Variants in TNKS observed in about 807,000 individuals in gnomAD.
TNKS encodes the protein poly [ADP-ribose] polymerase tankyrase-1.
A neutral mutation model predicts 135.8 loss-of-function variants in TNKS; 72 were observed. The ratio of observed to expected loss-of-function variants is 0.53; its 90% CI spans 0.44 to 0.64. The LOEUF is 0.64. Ranked by LOEUF, TNKS falls within the 30% of genes least tolerant of loss-of-function variation. TNKS has a pLI of 0.00. For missense variants in TNKS, 1,769 were observed against 1,674.0 expected (o/e 1.06, Z -0.99); for synonymous variants, 849 against 649.3 (o/e 1.31, Z -4.68).
In TNKS at chr8:9,612,067, G is replaced by A. The variant is rs140916048; in HGVS notation, c.899-3515G>A. 6.7e-3 allele frequency among the ~76,000 whole-genome samples: 1,026 copies of A among 152,140 alleles called. 12 individuals carry two copies. The highest frequency in any genetic ancestry group is 0.024 in the African/African-American group (982 of 41,490). On this transcript the variant is annotated intron_variant, in intron 2 of 26. Coordinates refer to ENST00000310430, the MANE Select transcript of TNKS (RefSeq NM_003747.3). ...AAAGCATTATCAGAGATTTGAGACC[G>A]CTCCTAAAATATGTAGAGATCACCT...
chr8:9,708,442 G>C lies in TNKS; in HGVS notation c.1528G>C (p.Ala510Pro). 1 of 1,608,932 alleles carries C rather than the reference G, an allele frequency of 6.2e-7. No homozygotes were observed. The highest frequency in any genetic ancestry group is 1.3e-5 in the African/African-American group (1 of 74,872). ...ADLAKVKKTL[A>P]LEIINFKQPQ... Reference sequence around the variant, plus strand: ...CTTAGCTAAAGTTAAAAAAACACTCGCTCTGGAAATCATTAATTTCAAACA... The same window carrying C: ...CTTAGCTAAAGTTAAAAAAACACTCCCTCTGGAAATCATTAATTTCAAACA... The change falls in exon 9 of 27, where the codon GCT (alanine) becomes CCT (proline). Residue 510 changes from alanine (A) to proline (P), a missense_variant. Physicochemically the swap from Ala to Pro is conservative, Grantham distance 27. This residue lies in a region of TNKS where 523 missense variants were observed against 541.0 expected (regional missense o/e 0.97). Transcript: ENST00000310430.
At chr8:9,724,258 T>C (rs1452247503) in intron 12 of TNKS, among the ~76,000 whole-genome samples, 1 of 152,062 alleles carries the variant, frequency 6.6e-6, no homozygotes, top group African/African-American at 2.4e-5. Context: ...AAGCCCAGCT[T>C]GGGCAACATG....
intron 2 of TNKS, 108 bp downstream of exon 2, chr8:9,580,491 C>T (rs1798125297): frequency 2.1e-6 from 2 of 931,902 alleles, no homozygotes; most frequent in East Asian, 2.6e-5. Flanking sequence ...TTTATTGCTT[C>T]TTGTAGAAGC....
chr8:9,767,745 G>A lies in TNKS; in HGVS notation c.3740+1320G>A, dbSNP rs368890983. On this transcript the variant is annotated intron_variant, in intron 25 of 26. Transcript: ENST00000310430. Reference sequence around the variant, plus strand: ...GAGGCCGAGGCGGGCAGATCATGCCGTCAGGAGATTGAGACCATCCTGGCT... The same window carrying A: ...GAGGCCGAGGCGGGCAGATCATGCCATCAGGAGATTGAGACCATCCTGGCT... 5.9e-4 allele frequency among the ~76,000 whole-genome samples: 89 copies of A among 152,080 alleles called. 1 individual carries two copies. The highest frequency in any genetic ancestry group is 3.2e-3 in the Admixed American group (49 of 15,270).
At chr8:9,707,393 C>A (rs1481915460) in intron 8 of TNKS, among the ~76,000 whole-genome samples, 2 of 152,114 alleles carry the variant, frequency 1.3e-5, no homozygotes, top group Non-Finnish European at 2.9e-5. Flanking sequence ...AGGTATCTAG[C>A]ATTATTGAAA....
chr8:9,765,568 C>T (rs1807390702), intron 23 of TNKS, 124 bp from the exon 24 acceptor site: 3 of 716,258 alleles, frequency 4.2e-6, no homozygotes, highest in East Asian at 5.4e-5. Flanking sequence ...GTAGCTTTAT[C>T]ACTTTTAAAT....
intron 3 of TNKS, among the ~76,000 whole-genome samples, chr8:9,629,742 G>A (rs1001979107): frequency 6.6e-6 from 1 of 152,192 alleles, no homozygotes; most frequent in Non-Finnish European, 1.5e-5. Context: ...GAGTGCAGTG[G>A]TGTCATCTCG....
intron 5 of TNKS, among the ~76,000 whole-genome samples, chr8:9,689,628 G>A (rs561712051): frequency 6.6e-6 from 1 of 152,206 alleles, no homozygotes; most frequent in Non-Finnish European, 1.5e-5. Flanking sequence ...GCTGTGGGCA[G>A]GGAACAGAAC....
At chr8:9,562,964 C>G (rs921297015) in intron 1 of TNKS, among the ~76,000 whole-genome samples, 1 of 151,676 alleles carries the variant, frequency 6.6e-6, no homozygotes, top group African/African-American at 2.4e-5. Flanking sequence ...AGTTTCAGAT[C>G]TTTTATTTCA....
At chr8:9,609,525 A>G (rs1799368193) in intron 2 of TNKS, among the ~76,000 whole-genome samples, 1 of 152,172 alleles carries the variant, frequency 6.6e-6, no homozygotes, top group Admixed American at 6.5e-5. Flanking sequence ...TGATTCCATG[A>G]GACATTGAAA....
At chr8:9,616,010 G>A (rs1312196875) in intron 3 of TNKS, among the ~76,000 whole-genome samples, 1 of 152,088 alleles carries the variant, frequency 6.6e-6, no homozygotes, top group Non-Finnish European at 1.5e-5. Flanking sequence ...GCAAGCAAGG[G>A]CATTTATATT....
At chr8:9,775,064 C>T (rs900338787) in intron 26 of TNKS, among the ~76,000 whole-genome samples, 8 of 152,088 alleles carry the variant, frequency 5.3e-5, no homozygotes, top group South Asian at 2.1e-4. Context: ...GCTCAATACA[C>T]GGATGCTAGT....
At chr8:9,599,145 C>G (rs978816582) in intron 2 of TNKS, among the ~76,000 whole-genome samples, 2 of 151,962 alleles carry the variant, frequency 1.3e-5, no homozygotes, top group African/African-American at 4.8e-5. Context: ...AAGTAATCTA[C>G]CCCTAAATAA....
Position 9,729,795 on chromosome 8 carries a change from G to T in TNKS, c.2002-1095G>T, listed in dbSNP as rs568573089. Reference sequence around the variant, plus strand: ...TCTTTTTTTTTTTTTTTTTTTTTGAGATGGGGTCTCACTCTGTCACCAGAC... The same window carrying T: ...TCTTTTTTTTTTTTTTTTTTTTTGATATGGGGTCTCACTCTGTCACCAGAC... On this transcript the variant is annotated intron_variant, in intron 13 of 26. Coordinates refer to ENST00000310430, the MANE Select transcript of TNKS (RefSeq NM_003747.3). Among the ~76,000 whole-genome samples, 49 of 28,722 alleles carry T rather than the reference G, an allele frequency of 1.7e-3. 1 individual carries two copies. In the South Asian group the frequency reaches 0.031, roughly 18 times the overall value. 18.8% of individuals were successfully genotyped at this position (28,722 alleles called of 152,430 possible).
At chr8:9,677,203 G>A (rs1445503788) in intron 3 of TNKS, among the ~76,000 whole-genome samples, 1 of 152,180 alleles carries the variant, frequency 6.6e-6, no homozygotes, top group African/African-American at 2.4e-5. Flanking sequence ...CAGAAAAGCT[G>A]ATTAAAGTAC....
Position 9,672,711 on chromosome 8 carries a change from C to CACACAA in TNKS, c.995-7239_995-7238insCACAAA, listed in dbSNP as rs1399922732. On this transcript the variant is annotated intron_variant, in intron 3 of 26. Coordinates refer to ENST00000310430, the MANE Select transcript of TNKS (RefSeq NM_003747.3). ...ACACACACACACACACACACACACA[C>CACACAA]AAAAAAAAAAAAACAAACTAATATC... Among the ~76,000 whole-genome samples the CACACAA allele has an allele frequency of 5.5e-3, 467 of 85,184 alleles. 4 individuals carry two copies. The highest frequency in any genetic ancestry group is 7.3e-3 in the African/African-American group (152 of 20,910). 55.9% of individuals were successfully genotyped at this position (85,184 alleles called of 152,430 possible). A position where few individuals can be genotyped will look rare whatever the true frequency, so the allele number is the denominator to read the frequency against.
intron 3 of TNKS, among the ~76,000 whole-genome samples, chr8:9,631,130 A>T (rs1394626140): frequency 6.6e-6 from 1 of 152,246 alleles, no homozygotes; most frequent in Non-Finnish European, 1.5e-5. Flanking sequence ...CTACAAATGT[A>T]CTGATTTCAA....
intron 7 of TNKS, among the ~76,000 whole-genome samples, 199 bp downstream of exon 7, chr8:9,706,452 C>G (rs570877995): frequency 6.6e-6 from 1 of 152,296 alleles, no homozygotes; most frequent in Non-Finnish European, 1.5e-5. Context: ...CAGCCTCAAC[C>G]TCCCAAGTTC....
At chr8:9,770,920 T>A (rs1807792072) in intron 26 of TNKS, among the ~76,000 whole-genome samples, 1 of 152,068 alleles carries the variant, frequency 6.6e-6, no homozygotes, top group Non-Finnish European at 1.5e-5. Flanking sequence ...TGTGTTGATG[T>A]ATTGATTTGA....
Sources: gnomAD v4.1 joint callset for allele counts (sites outside exome capture counted in the v4.1 genomes callset) on GRCh38, gnomAD v4.1.1 for gene constraint, gnomAD v4.1.1 regional missense constraint, MANE v1.5 for transcripts, NCBI Gene and HGNC (gene_info 2026-07-23, HGNC 2026-07-21) for gene names.